The following MTA1 variants were observed in gnomAD, a reference collection of about 807,000 sequenced individuals.
MTA1 encodes the protein metastasis associated 1.
Under a neutral mutation model 97.0 loss-of-function variants are expected in MTA1, and 15 were observed. The observed-to-expected ratio is 0.15, with a 90% CI of 0.10 to 0.24. The LOEUF is 0.24. MTA1 is among the 10% of genes least tolerant of loss of function. The probability of loss-of-function intolerance (pLI) is 1.00; values close to 1 mark genes in which losing one functional copy is unlikely to be tolerated. For synonymous variants in MTA1, 435 were observed against 417.5 expected (o/e 1.04, Z -0.51); for missense variants, 709 against 1,015.1 (o/e 0.70, Z 4.10).
At chr14:105,425,521 T>C (rs587618395) in intron 1 of MTA1, among the ~76,000 whole-genome samples, 13 of 152,254 alleles carry the variant, frequency 8.5e-5, no homozygotes, top group Admixed American at 2.6e-4. Flanking sequence ...AGCGATCCTC[T>C]TGCCTTGGGC....
rs782141530 is a variant in MTA1, at chr14:105,464,844, C to T, written c.1515C>T (p.Ser505=). The change falls in exon 15 of 21, where the codon AGC becomes AGT. Residue 505 remains serine (S), a synonymous_variant. Transcript: ENST00000331320. ...AARHPYLPIN[S]AAIKAECTAR... ...GGCACCCCTACCTGCCCATCAACAG[C>T]GCGGCCATCAAGGCCGAGTGTGAGT... is the stretch of plus-strand genomic sequence containing the variant. 26 of 1,582,894 alleles carry T rather than the reference C, an allele frequency of 1.6e-5. No homozygotes were observed. Among genetic ancestry groups the T allele is most frequent in the Middle Eastern group, 1.7e-4 (1 of 5,878 alleles).
intron 16 of MTA1, 82 bp downstream of exon 16, chr14:105,465,265 G>T: frequency 8.0e-7 from 1 of 1,245,500 alleles, no homozygotes; most frequent in Non-Finnish European, 1.1e-6. Flanking sequence ...GGTGCTCCCA[G>T]CCTTCTCTAG....
chr14:105,449,116 A>C, intron 3 of MTA1: 1 of 495,544 alleles, frequency 2.0e-6, no homozygotes, highest in Middle Eastern at 5.2e-4. Context: ...GGCCCTCCAC[A>C]GCCAGGCTTG....
At chr14:105,438,797 C>T in intron 2 of MTA1, 58 bp downstream of exon 2, 1 of 1,579,274 alleles carries the variant, frequency 6.3e-7, no homozygotes, top group South Asian at 1.1e-5. Flanking sequence ...TACGCCAGCT[C>T]CTGCCCTGTG....
At position 105,422,261 on chromosome 14, in the gene MTA1, C is replaced by G. The variant is rs587648595; in HGVS notation, c.28+2198C>G. Among the ~76,000 whole-genome samples the G allele has an allele frequency of 6.6e-6, 1 of 152,132 alleles. No individual in the cohort carries two copies. Among genetic ancestry groups the G allele is most frequent in the East Asian group, 1.9e-4 (1 of 5,174 alleles). On this transcript the variant is annotated intron_variant, in intron 1 of 20. Transcript: ENST00000331320. The surrounding 1 kb of genome is among the most constrained non-coding windows in gnomAD (Gnocchi z 4.3). ...GGAACCCTGGGTTCCGGCAGGACCC[C>G]GGCAGAGCCCTGTGGTCGCAGTGGG...
At chr14:105,423,687 C>T (rs2081922598) in intron 1 of MTA1, among the ~76,000 whole-genome samples, 1 of 152,260 alleles carries the variant, frequency 6.6e-6, no homozygotes, top group Non-Finnish European at 1.5e-5. Flanking sequence ...CCTGTCCGTG[C>T]TGCTGGTCTT....
intron 1 of MTA1, among the ~76,000 whole-genome samples, chr14:105,435,663 T>C (rs2082305206): frequency 6.6e-6 from 1 of 152,238 alleles, no homozygotes; most frequent in Non-Finnish European, 1.5e-5. Context: ...CCTTAAATGT[T>C]TGATAGACTT....
At chr14:105,450,657 A>T (rs1413413272) in intron 6 of MTA1, among the ~76,000 whole-genome samples, 4 of 151,954 alleles carry the variant, frequency 2.6e-5, no homozygotes, top group Non-Finnish European at 5.9e-5. Flanking sequence ...TCTTCGCAGG[A>T]GTCTTGGCTG....
chr14:105,423,647 C>T (rs935873141), intron 1 of MTA1, among the ~76,000 whole-genome samples: 13 of 152,384 alleles, frequency 8.5e-5, no homozygotes, highest in Admixed American at 1.3e-4. Flanking sequence ...GGCTCTGCCC[C>T]GGTCTCTGGC....
Position 105,460,961 on chromosome 14 carries a change from C to T in MTA1, c.942+8C>T, listed in dbSNP as rs782814451. 5 of 1,603,970 alleles carry T rather than the reference C, an allele frequency of 3.1e-6. No individual in the cohort carries two copies. Among genetic ancestry groups the T allele is most frequent in the Admixed American group, 3.4e-5 (2 of 59,410 alleles). ...GACATTCAGCAAGATTTTGTGAGTACCGTGGGTGGCGATGGGGGAGTGGCT... is the reference window on the plus strand; with the variant it reads ...GACATTCAGCAAGATTTTGTGAGTATCGTGGGTGGCGATGGGGGAGTGGCT... On this transcript the variant is annotated splice_region_variant and intron_variant, in intron 10 of 20. Transcript: ENST00000331320.
intron 6 of MTA1, 93 bp downstream of exon 6, chr14:105,450,417 T>C: frequency 7.3e-7 from 1 of 1,370,472 alleles, no homozygotes; most frequent in Non-Finnish European, 9.9e-7. Context: ...GCGGAGACGA[T>C]TTTCCCTCCT....
chr14:105,438,813 C>A, intron 2 of MTA1, 74 bp downstream of exon 2: 1 of 1,523,536 alleles, frequency 6.6e-7, no homozygotes, highest in Non-Finnish European at 9.0e-7. Flanking sequence ...CTGTGGGTGG[C>A]CAGTGTGGGT....
In MTA1 at chr14:105,420,922, C is replaced by G. The variant is rs1227230702; in HGVS notation, c.28+859C>G. Among the ~76,000 whole-genome samples, 2 of 152,184 alleles carry G rather than the reference C, an allele frequency of 1.3e-5. No homozygotes were observed. Among genetic ancestry groups the G allele is most frequent in the African/African-American group, 4.8e-5 (2 of 41,452 alleles). On this transcript the variant is annotated intron_variant, in intron 1 of 20. Coordinates refer to ENST00000331320, the MANE Select transcript of MTA1 (RefSeq NM_004689.4). This position sits in a 1 kb window ranked among gnomAD's most constrained non-coding sequence, Gnocchi z 5.3. The stretch of plus-strand genomic sequence containing the variant: ...GAGACCCCTCCCTGCCTGTGACCCT[C>G]TCGGGCAGGTGCTCATTACCTTTCC...
intron 1 of MTA1, among the ~76,000 whole-genome samples, chr14:105,430,392 G>A (rs1019668744): frequency 4.6e-5 from 7 of 152,084 alleles, no homozygotes; most frequent in African/African-American, 1.7e-4. Context: ...TATCAATTAA[G>A]TTCTTAGTTG....
Position 105,464,164 on chromosome 14 carries a change from G to T in MTA1, c.1192+17G>T. 6.2e-7 allele frequency: 1 copy of T among 1,601,252 alleles called. No homozygotes were observed. Among genetic ancestry groups the T allele is most frequent in the Non-Finnish European group, 8.5e-7 (1 of 1,173,758 alleles). ...GCTGTTACAGTAAGTGCCCTGGATG[G>T]CCGGGGGCACACCGCACGCCCGCCT... On this transcript the variant is annotated intron_variant, in intron 13 of 20. Coordinates refer to ENST00000331320, the MANE Select transcript of MTA1 (RefSeq NM_004689.4).
chr14:105,445,115 G>T (rs1414154151), intron 2 of MTA1, among the ~76,000 whole-genome samples: 2 of 152,202 alleles, frequency 1.3e-5, no homozygotes, highest in African/African-American at 4.8e-5. Context: ...TGTGGCGGGG[G>T]CCTTTTCCTC....
chr14:105,442,482 C>T (rs587660012), intron 2 of MTA1, among the ~76,000 whole-genome samples: 8 of 152,328 alleles, frequency 5.3e-5, no homozygotes, highest in African/African-American at 1.2e-4. Context: ...GCTCTGCTGC[C>T]GAGCACTTTA....
In MTA1 at chr14:105,463,833, G is replaced by A. The variant is rs13329022; in HGVS notation, c.1077-199G>A. On this transcript the variant is annotated intron_variant, in intron 12 of 20. Transcript: ENST00000331320. This position sits in a 1 kb window ranked among gnomAD's most constrained non-coding sequence, Gnocchi z 5.9. ...CTGGGCTCCATGCTAGGGGGAGCAC[G>A]GGGGCCTGGAGAACGGCTCAGACCT... 4,554 of 652,626 alleles carry A rather than the reference G, an allele frequency of 7.0e-3. 138 individuals carry two copies. Among genetic ancestry groups the A allele is most frequent in the African/African-American group, 0.068 (3,681 of 54,494 alleles). 40.4% of individuals were successfully genotyped at this position (652,626 alleles called of 1,614,324 possible).
At chr14:105,469,387 G>T in intron 18 of MTA1, 80 bp from the exon 19 acceptor site, 1 of 1,510,008 alleles carries the variant, frequency 6.6e-7, no homozygotes, top group Non-Finnish European at 9.2e-7. Flanking sequence ...TTGTCCCAAG[G>T]TGGCTGAGGC....
Sources: allele counts gnomAD v4.1 joint callset (sites outside exome capture counted in the v4.1 genomes callset), GRCh38; gene constraint gnomAD v4.1.1; non-coding constraint Gnocchi (gnomAD v3.1); transcripts MANE v1.5; gene names NCBI Gene and HGNC (gene_info 2026-07-23, HGNC 2026-07-21).